PRMT9: variants seen among roughly 807,000 people sequenced by gnomAD.
PRMT9 encodes the protein protein arginine N-methyltransferase 9.
In PRMT9, 59 loss-of-function variants were observed where a neutral mutation model predicts 83.2. That is an observed-to-expected ratio of 0.71 (90% confidence interval 0.57 to 0.88). PRMT9 has a LOEUF of 0.88. Ranked by LOEUF, PRMT9 falls within the 40% of genes least tolerant of loss-of-function variation. The pLI, the probability that PRMT9 is intolerant of heterozygous loss-of-function variation, is 0.00. For synonymous variants in PRMT9, 333 were observed against 353.2 expected, an observed-to-expected ratio of 0.94 and a Z score of 0.64; for missense variants, 947 against 1,021.9, an observed-to-expected ratio of 0.93 and a Z score of 1.00.
chr4:147,643,696 T>C (rs1362621707), intron 9 of PRMT9, among the ~76,000 whole-genome samples: 1 of 152,186 alleles, frequency 6.6e-6, no homozygotes, highest in Non-Finnish European at 1.5e-5. Flanking sequence ...TGTATTAACA[T>C]CAAAAACAAT....
chr4:147,673,218 T>C lies in PRMT9; in HGVS notation c.576-92A>G, dbSNP rs1164396015. On this transcript the variant is annotated intron_variant, in intron 3 of 11. Coordinates refer to ENST00000322396, the MANE Select transcript of PRMT9 (RefSeq NM_138364.4). Reference sequence around the variant, plus strand: ...ATGATGATGCTAAAATGTGGGGTTTTTCCTTTTATTCTTTAACACAACCAT... The same window carrying C: ...ATGATGATGCTAAAATGTGGGGTTTCTCCTTTTATTCTTTAACACAACCAT... 8 of 1,134,848 alleles carry C rather than the reference T, an allele frequency of 7.0e-6. No homozygotes were observed. The East Asian group carries it at 2.0e-4, about 28-fold the overall frequency. 70.3% of individuals were successfully genotyped at this position (1,134,848 alleles called of 1,614,324 possible).
intron 6 of PRMT9, among the ~76,000 whole-genome samples, chr4:147,665,175 C>T (rs1371596922): frequency 2.1e-5 from 3 of 145,912 alleles, no homozygotes; most frequent in Non-Finnish European, 4.5e-5. Flanking sequence ...TATATACTTA[C>T]AATCTTTCCT....
chr4:147,679,445 C>T (rs1373457612), intron 2 of PRMT9, among the ~76,000 whole-genome samples: 1 of 140,094 alleles, frequency 7.1e-6, no homozygotes, highest in African/African-American at 2.6e-5. Context: ...CACACTGTCT[C>T]AAAAAAAAAA....
At position 147,680,458 on chromosome 4, in the gene PRMT9, T is replaced by C. The variant is rs1736389790; in HGVS notation, c.203A>G (p.Tyr68Cys). Residue 68 changes from tyrosine to cysteine, a missense_variant, in exon 2 of 12, where the codon TAC becomes TGC. Transcript: ENST00000322396. The part of the protein sequence containing the change: ...LKHDVKETFQ[Y>C]TLFRWAEELD... The stretch of plus-strand genomic sequence containing the variant: ...CTCTTCAGCCCATCTGAAAAGTGTG[T>C]ACTGAAAAGTTTCCTTTACAAATAA... 2 of 1,613,664 alleles carry C rather than the reference T, an allele frequency of 1.2e-6. No individual in the cohort carries two copies. The highest frequency in any genetic ancestry group is 1.7e-6 in the Non-Finnish European group (2 of 1,179,638).
Position 147,683,938 on chromosome 4 carries a change from C to A in PRMT9, c.50G>T (p.Gly17Val), listed in dbSNP as rs780307019. Residue 17 changes from glycine to valine, a missense_variant, in exon 1 of 12, where the codon GGG (glycine) becomes GTG (valine). Gly to Val is a moderately radical substitution (Grantham distance 109, BLOSUM62 -3). Coordinates refer to ENST00000322396, the MANE Select transcript of PRMT9 (RefSeq NM_138364.4). ...CACCAGCTCGTCCCGGCCGGCTGCC[C>A]CAGCGCCACCCCCGGCGTCTCGGCG... ...RSRRDAGGGA[G>V]AAGRDELVSR... 1.9e-6 allele frequency: 3 copies of A among 1,612,966 alleles called. No individual in the cohort carries two copies. In the South Asian group the frequency reaches 3.3e-5, roughly 18 times the overall value.
intron 7 of PRMT9, among the ~76,000 whole-genome samples, chr4:147,658,322 G>C (rs1020347773): frequency 2.6e-5 from 4 of 151,896 alleles, no homozygotes; most frequent in African/African-American, 9.7e-5. Flanking sequence ...GAGAGAGAGG[G>C]AGTAGTGAGA....
At chr4:147,659,235 T>C (rs547132527) in intron 7 of PRMT9, among the ~76,000 whole-genome samples, 4 of 148,394 alleles carry the variant, frequency 2.7e-5, no homozygotes, top group Non-Finnish European at 4.5e-5. Context: ...ACACCATCTC[T>C]ACTAAAAATA....
chr4:147,645,542 A>T (rs992113574), intron 9 of PRMT9, among the ~76,000 whole-genome samples: 2 of 152,238 alleles, frequency 1.3e-5, no homozygotes, highest in African/African-American at 4.8e-5. Context: ...CTTAGGAAAC[A>T]CATGCTAAAT....
rs568754506 is a variant in PRMT9 at position 147,670,840 on chromosome 4, A to C, written c.744-97T>G. The C allele has an allele frequency of 1.6e-5, 13 of 802,570 alleles. No homozygotes were observed. The African/African-American group carries it at 1.9e-4, about 12-fold the overall frequency. The allele number at this position is 802,570 out of a possible 1,614,324, so 49.7% of individuals were successfully genotyped here. A position where few individuals can be genotyped will look rare whatever the true frequency, so the allele number is the denominator to read the frequency against. Reference sequence around the variant, plus strand: ...AGGAGAAAGGAAGAGTATATTATAGAAACAGTCCATATGTAATATATCCTA... The same window carrying C: ...AGGAGAAAGGAAGAGTATATTATAGCAACAGTCCATATGTAATATATCCTA... On this transcript the variant is annotated intron_variant, in intron 4 of 11. Coordinates refer to ENST00000322396, the MANE Select transcript of PRMT9 (RefSeq NM_138364.4).
At chr4:147,664,066 C>A (rs1735155401) in intron 6 of PRMT9, among the ~76,000 whole-genome samples, 1 of 152,144 alleles carries the variant, frequency 6.6e-6, no homozygotes. Context: ...GTAATCCAAG[C>A]ACTTTAGGAG....
intron 9 of PRMT9, among the ~76,000 whole-genome samples, chr4:147,648,329 G>A (rs1203238740): frequency 8.5e-5 from 13 of 152,140 alleles, no homozygotes; most frequent in Admixed American, 8.5e-4. Flanking sequence ...GATGTAATCA[G>A]TCATGCCTAC....
At chr4:147,683,761 G>A (rs746657360) in intron 1 of PRMT9, 38 bp downstream of exon 1, 5 of 1,151,758 alleles carry the variant, frequency 4.3e-6, no homozygotes, top group Non-Finnish European at 6.2e-6. Context: ...TTACGAGGAC[G>A]TTGGATCTGC....
intron 7 of PRMT9, among the ~76,000 whole-genome samples, chr4:147,660,318 G>T (rs1734867399): frequency 6.6e-6 from 1 of 152,146 alleles, no homozygotes; most frequent in South Asian, 2.1e-4. Flanking sequence ...AACAATCTTA[G>T]GAGGGGTTTT....
At chr4:147,644,370 A>AT (rs781503914) in intron 9 of PRMT9, among the ~76,000 whole-genome samples, 6 of 19,158 alleles carry the variant, frequency 3.1e-4, no homozygotes, top group African/African-American at 4.1e-4. Context: ...CAAATGCAAA[A>AT]TTTAAAAAAA....
Position 147,642,781 on chromosome 4 carries a change from A to T in PRMT9, c.2199+6T>A. On this transcript the variant is annotated splice_donor_region_variant and intron_variant, in intron 10 of 11. Transcript: ENST00000322396. Reference sequence around the variant, plus strand: ...TCCTGGTTGAACTTCTCCTCTAGACACTTACCTGAAACTGGTTAATAAAAG... The same window carrying T: ...TCCTGGTTGAACTTCTCCTCTAGACTCTTACCTGAAACTGGTTAATAAAAG... 1.2e-6 allele frequency: 2 copies of T among 1,612,556 alleles called. No homozygotes were observed. The highest frequency in any genetic ancestry group is 2.2e-5 in the East Asian group (1 of 44,864).
chr4:147,665,039 T>C (rs969923097), intron 6 of PRMT9, among the ~76,000 whole-genome samples: 5 of 146,532 alleles, frequency 3.4e-5, no homozygotes, highest in African/African-American at 1.0e-4. Context: ...GAGAATCACT[T>C]GAACATGGGA....
intron 2 of PRMT9, among the ~76,000 whole-genome samples, chr4:147,677,302 G>GA (rs1426197507): frequency 6.7e-6 from 1 of 150,284 alleles, no homozygotes; most frequent in African/African-American, 2.4e-5. Flanking sequence ...AAATTCCAAA[G>GA]AAAAAAAAGG....
chr4:147,658,826 T>C (rs1165934721), intron 7 of PRMT9, among the ~76,000 whole-genome samples: 8 of 152,152 alleles, frequency 5.3e-5, no homozygotes, highest in Admixed American at 5.2e-4. Context: ...TAGCTGGGCA[T>C]GGTGGCTCAC....
Position 147,683,877 on chromosome 4 carries a change from G to A in PRMT9, c.111C>T (p.Gly37=), listed in dbSNP as rs567600705. ...RSLQSAEHCL[G]VQDFGTAYAH... is the part of the protein sequence containing the mutation. ...CATAGGCAGTGCCGAAGTCCTGGAC[G>A]CCCAGACAGTGCTCTGCGCTCTGCA... is the stretch of plus-strand genomic sequence containing the variant. The change falls in exon 1 of 12, where the codon GGC becomes GGT. Residue 37 remains glycine, a synonymous_variant. Coordinates refer to ENST00000322396, the MANE Select transcript of PRMT9 (RefSeq NM_138364.4). The A allele has an allele frequency of 2.6e-5, 42 of 1,613,584 alleles. 1 individual carries two copies. The East Asian group carries it at 3.8e-4, about 15-fold the overall frequency.
Sources: gnomAD v4.1 joint callset for allele counts (sites outside exome capture counted in the v4.1 genomes callset) on GRCh38, gnomAD v4.1.1 for gene constraint, MANE v1.5 for transcripts, NCBI Gene and HGNC (gene_info 2026-07-23, HGNC 2026-07-21) for gene names.